Variants in FRMPD4 observed in about 807,000 individuals in gnomAD.
The protein encoded by FRMPD4 is FERM and PDZ domain-containing protein 4.
In FRMPD4, 22 loss-of-function variants were observed where a neutral mutation model predicts 94.1. The ratio of observed to expected loss-of-function variants is 0.23; its 90% CI spans 0.17 to 0.33. The LOEUF (loss-of-function observed/expected upper bound fraction) is 0.33. FRMPD4 is among the 10% of genes least tolerant of loss of function. The pLI is 1.00. For missense variants in FRMPD4, 1,111 were observed against 1,339.9 expected (o/e 0.83, Z 2.67); for synonymous variants, 631 against 548.6 (o/e 1.15, Z -2.10).
intron 1 of FRMPD4, among the ~76,000 whole-genome samples, chrX:12,428,045 G>A (rs1276717531): frequency 1.9e-5 from 2 of 107,987 alleles, no homozygotes; most frequent in African/African-American, 6.7e-5. Flanking sequence ...CAGTAGCTGG[G>A]ACTACAGGCG....
chrX:12,238,541 T>A (rs927776774), intron 1 of FRMPD4, among the ~76,000 whole-genome samples: 1 of 112,390 alleles, frequency 8.9e-6, no homozygotes, highest in African/African-American at 3.2e-5. Context: ...AAACTTTTCT[T>A]TAAACGTTGT....
At chrX:12,160,564 T>C (rs991886908) in intron 1 of FRMPD4, among the ~76,000 whole-genome samples, 3 of 111,923 alleles carry the variant, frequency 2.7e-5, no homozygotes, top group Non-Finnish European at 5.6e-5. Flanking sequence ...TTTCTCCTCA[T>C]TGGTAATCAA....
intron 1 of FRMPD4, among the ~76,000 whole-genome samples, chrX:12,166,385 A>G (rs1438835427): frequency 8.9e-6 from 1 of 111,773 alleles, no homozygotes; most frequent in East Asian, 2.8e-4. Context: ...CCAGCCTTGC[A>G]TCCCAGGGAT....
chrX:12,651,767 A>G (rs760338503), intron 4 of FRMPD4, among the ~76,000 whole-genome samples: 4 of 112,247 alleles, frequency 3.6e-5, no homozygotes, highest in African/African-American at 1.3e-4. Flanking sequence ...ACAGAATCAA[A>G]CATAAATATC....
chrX:11,913,494 GT>G (rs34035325), intron 3 of FRMPD4, among the ~76,000 whole-genome samples: 1 of 112,002 alleles, frequency 8.9e-6, no homozygotes, highest in Non-Finnish European at 1.9e-5. Flanking sequence ...TCTGGTCTCA[GT>G]TTCATTGCTG....
At chrX:12,669,747 T>C (rs2059819815) in intron 4 of FRMPD4, among the ~76,000 whole-genome samples, 1 of 111,538 alleles carries the variant, frequency 9.0e-6, no homozygotes, top group African/African-American at 3.3e-5. Flanking sequence ...ATACTGCTGG[T>C]TTTGAAGATG....
chrX:12,586,074 G>A (rs2058926197), intron 2 of FRMPD4, among the ~76,000 whole-genome samples: 1 of 112,612 alleles, frequency 8.9e-6, no homozygotes, highest in African/African-American at 3.2e-5. Flanking sequence ...CAAGAAATAT[G>A]CATTGTAGAA....
intron 2 of FRMPD4, among the ~76,000 whole-genome samples, chrX:12,578,276 G>A (rs2148372633): frequency 8.9e-6 from 1 of 112,864 alleles, no homozygotes; most frequent in East Asian, 2.8e-4. Context: ...TGCAGTGGCA[G>A]CAGAGAGTAG....
chrX:12,356,419 G>T (rs759450829), intron 1 of FRMPD4, among the ~76,000 whole-genome samples: 8 of 111,838 alleles, frequency 7.2e-5, no homozygotes, highest in Non-Finnish European at 1.5e-4. Context: ...GGAATGGACT[G>T]AATGTTTGTG....
At chrX:12,014,496 TCTG>T (rs2054595460) in intron 3 of FRMPD4, among the ~76,000 whole-genome samples, 1 of 112,009 alleles carries the variant, frequency 8.9e-6, no homozygotes, top group African/African-American at 3.2e-5. Context: ...TTTGACTAGG[TCTG>T]ACTTGAGAGA....
At chrX:12,325,021 T>C (rs1412725771) in intron 1 of FRMPD4, among the ~76,000 whole-genome samples, 1 of 112,275 alleles carries the variant, frequency 8.9e-6, no homozygotes, top group Non-Finnish European at 1.9e-5. Flanking sequence ...ATTTCTGTGA[T>C]GTTTCCCTCA....
intron 3 of FRMPD4, among the ~76,000 whole-genome samples, chrX:11,888,395 G>T: frequency 8.9e-6 from 1 of 111,891 alleles, no homozygotes; most frequent in Middle Eastern, 4.7e-3. Context: ...ATAACCTTGT[G>T]TCTTCACAAT....
chrX:12,105,572 C>T (rs981629271), intron 3 of FRMPD4, among the ~76,000 whole-genome samples: 2 of 112,315 alleles, frequency 1.8e-5, no homozygotes, highest in Non-Finnish European at 3.8e-5. Flanking sequence ...AAACCCTTAA[C>T]GTGAATGTAA....
intron 1 of FRMPD4, among the ~76,000 whole-genome samples, chrX:12,219,538 T>A (rs1245961296): frequency 1.8e-5 from 2 of 112,216 alleles, no homozygotes; most frequent in Non-Finnish European, 3.8e-5. Flanking sequence ...GCTCAAATTT[T>A]AGTGTGCATA....
At chrX:12,475,695 A>G (rs2148183756) in intron 1 of FRMPD4, among the ~76,000 whole-genome samples, 1 of 112,053 alleles carries the variant, frequency 8.9e-6, no homozygotes, top group African/African-American at 3.2e-5. Flanking sequence ...CCAAATCATG[A>G]GTGAACTCCC....
At chrX:11,899,548 T>A (rs2053922684) in intron 3 of FRMPD4, among the ~76,000 whole-genome samples, 1 of 111,821 alleles carries the variant, frequency 8.9e-6, no homozygotes, top group Non-Finnish European at 1.9e-5. Context: ...ACATGTTTAT[T>A]TAGCCATAGA....
chrX:12,119,605 A>G (rs941457929), intron 3 of FRMPD4, among the ~76,000 whole-genome samples: 8 of 112,225 alleles, frequency 7.1e-5, no homozygotes, highest in Non-Finnish European at 1.5e-4. Flanking sequence ...ATGAGTTTCA[A>G]TTTAAGGAAG....
At chrX:12,562,737 T>C (rs747371996) in intron 2 of FRMPD4, among the ~76,000 whole-genome samples, 2 of 112,786 alleles carry the variant, frequency 1.8e-5, no homozygotes, top group Non-Finnish European at 3.7e-5. Flanking sequence ...AAATCTGTCA[T>C]GAGGCTTGTA....
At chrX:11,859,038 G>A (rs2053669600) in intron 1 of FRMPD4, among the ~76,000 whole-genome samples, 1 of 111,776 alleles carries the variant, frequency 8.9e-6, no homozygotes, top group Admixed American at 9.5e-5. Flanking sequence ...CCTATCCTTG[G>A]TTCTAATAAA....
Sources: allele counts gnomAD v4.1 joint callset (sites outside exome capture counted in the v4.1 genomes callset), GRCh38; gene constraint gnomAD v4.1.1; transcripts MANE v1.5; gene names NCBI Gene and HGNC (gene_info 2026-07-23, HGNC 2026-07-21).